DCHS2: variants seen among roughly 807,000 people sequenced by gnomAD.
DCHS2 encodes protocadherin-23.
Under a neutral mutation model 182.4 loss-of-function variants are expected in DCHS2, and 142 were observed. That is an observed-to-expected ratio of 0.78 (90% CI 0.68 to 0.89). The LOEUF (loss-of-function observed/expected upper bound fraction) is 0.89, where lower values mean the gene tolerates loss of function less well. Ranked by LOEUF, DCHS2 falls within the 40% of genes least tolerant of loss-of-function variation. DCHS2 has a pLI of 0.00. For synonymous variants in DCHS2, 1,740 were observed against 1,663.3 expected, an observed-to-expected ratio of 1.05 and a Z score of -1.12; for missense variants, 4,319 against 4,198.6, an observed-to-expected ratio of 1.03 and a Z score of -0.79.
chr4:154,432,298 ACT>A (rs747956027), intron 1 of DCHS2, among the ~76,000 whole-genome samples: 15 of 152,130 alleles, frequency 9.9e-5, no homozygotes, highest in Non-Finnish European at 2.2e-4. Context: ...AATGCTAAAG[ACT>A]CTCAGCTTAT....
At chr4:154,245,442 G>A (rs1732027276) in intron 16 of DCHS2, among the ~76,000 whole-genome samples, 1 of 152,096 alleles carries the variant, frequency 6.6e-6, no homozygotes, top group Non-Finnish European at 1.5e-5. Flanking sequence ...TTTTGACCAG[G>A]AAGGATCTCT....
intron 16 of DCHS2, among the ~76,000 whole-genome samples, chr4:154,247,652 A>G (rs1341365425): frequency 2.1e-4 from 1 of 4,714 alleles, no homozygotes. Context: ...AAAAAAAAAA[A>G]AAAAAAAAAA....
chr4:154,391,337 A>AT (rs1326560255), intron 1 of DCHS2: 29 of 1,553,126 alleles, frequency 1.9e-5, no homozygotes, highest in Non-Finnish European at 2.5e-5. Flanking sequence ...CTTCAACTTC[A>AT]TGTCTCTGGC....
intron 1 of DCHS2, among the ~76,000 whole-genome samples, chr4:154,381,883 C>A (rs543007198): frequency 6.6e-6 from 1 of 152,200 alleles, no homozygotes; most frequent in African/African-American, 2.4e-5. Flanking sequence ...AGATTCAATG[C>A]CATTCCTATC....
At chr4:154,265,765 A>G (rs1302266310) in intron 14 of DCHS2, among the ~76,000 whole-genome samples, 1 of 152,178 alleles carries the variant, frequency 6.6e-6, no homozygotes, top group Non-Finnish European at 1.5e-5. Flanking sequence ...AACAAAAAAA[A>G]AAGAGAAAGG....
chr4:154,424,229 A>G (rs77834533), intron 1 of DCHS2, among the ~76,000 whole-genome samples: 117 of 152,332 alleles, frequency 7.7e-4, no homozygotes, highest in African/African-American at 2.8e-3. Flanking sequence ...AAAAAGAAAA[A>G]GTAAATCAGA....
chr4:154,270,050 T>C, intron 13 of DCHS2, 37 bp from the exon 14 acceptor site: 1 of 1,562,294 alleles, frequency 6.4e-7, no homozygotes, highest in East Asian at 2.3e-5. Flanking sequence ...TCCATTAGGA[T>C]AAAAAAATTT....
chr4:154,328,720 A>G (rs1736393138), intron 6 of DCHS2, among the ~76,000 whole-genome samples: 1 of 152,200 alleles, frequency 6.6e-6, no homozygotes, highest in African/African-American at 2.4e-5. Flanking sequence ...CATTTTAATG[A>G]TATGATTAAA....
intron 16 of DCHS2, among the ~76,000 whole-genome samples, chr4:154,246,264 A>T (rs1402955417): frequency 6.6e-6 from 1 of 152,108 alleles, no homozygotes; most frequent in Non-Finnish European, 1.5e-5. Context: ...CTTGCCCATT[A>T]CTCTGCATTC....
intron 1 of DCHS2, among the ~76,000 whole-genome samples, chr4:154,411,159 A>T (rs79398161): frequency 0.015 from 2,262 of 152,348 alleles, 53 homozygotes; most frequent in African/African-American, 0.052. Context: ...GCATGATCTC[A>T]CTTATATGCA....
chr4:154,319,049 T>C (rs1735957502), intron 9 of DCHS2, among the ~76,000 whole-genome samples: 1 of 152,084 alleles, frequency 6.6e-6, no homozygotes, highest in Non-Finnish European at 1.5e-5. Flanking sequence ...CACCCATATA[T>C]GGTCAATTGA....
At chr4:154,434,263 T>A (rs1733682142) in intron 1 of DCHS2, among the ~76,000 whole-genome samples, 2 of 151,878 alleles carry the variant, frequency 1.3e-5, no homozygotes, top group African/African-American at 4.8e-5. Flanking sequence ...CTACAGAAAA[T>A]TTTAAAAATA....
At chr4:154,341,446 A>G (rs1302187060) in intron 3 of DCHS2, among the ~76,000 whole-genome samples, 1 of 152,116 alleles carries the variant, frequency 6.6e-6, no homozygotes, top group Non-Finnish European at 1.5e-5. Context: ...TACAAGGTAA[A>G]TCTCTGAAAT....
rs367771350 is a variant in DCHS2, at chr4:154,326,309, G to C, written c.4018+1784C>G. 3.3e-4 allele frequency among the ~76,000 whole-genome samples: 50 copies of C among 152,178 alleles called. No homozygotes were observed. In the South Asian group the frequency reaches 0.01, roughly 31 times the overall value. Reference sequence around the variant, plus strand: ...ATTTATTTACTGGTTTTTCTTACTGGTTTGCAGGAGTTCTTAATAAATTCT... The same window carrying C: ...ATTTATTTACTGGTTTTTCTTACTGCTTTGCAGGAGTTCTTAATAAATTCT... On this transcript the variant is annotated intron_variant, in intron 7 of 19. Coordinates refer to ENST00000357232, the MANE Select transcript of DCHS2 (RefSeq NM_001358235.2).
intron 9 of DCHS2, among the ~76,000 whole-genome samples, chr4:154,319,997 A>G (rs1735996040): frequency 6.6e-6 from 1 of 152,172 alleles, no homozygotes; most frequent in African/African-American, 2.4e-5. Context: ...CATTGAAGAC[A>G]ATTCAGCCTT....
At chr4:154,417,158 AGTGTGTGTGTGTGTGTGTGTGTGTGT>A (rs778940410) in intron 1 of DCHS2, among the ~76,000 whole-genome samples, 1 of 80,096 alleles carries the variant, frequency 1.2e-5, no homozygotes, top group African/African-American at 5.0e-5. Context: ...GCCGGTCCCG[AGTGTGTGTGTGTGTGTGTGTGTGTGT>A]GTGTGTGTGT....
At chr4:154,357,362 G>A (rs1416135403) in intron 3 of DCHS2, 4 of 1,389,772 alleles carry the variant, frequency 2.9e-6, no homozygotes, top group Non-Finnish European at 4.1e-6. Flanking sequence ...TGGGAGCAGG[G>A]AAAAGCAAAA....
intron 1 of DCHS2, among the ~76,000 whole-genome samples, chr4:154,419,650 C>CAAAAAAAA (rs70947164): frequency 8.9e-5 from 4 of 44,920 alleles, no homozygotes; most frequent in Non-Finnish European, 1.1e-4. Context: ...AACTCCATCT[C>CAAAAAAAA]AAAAAAAAAA....
intron 1 of DCHS2, among the ~76,000 whole-genome samples, chr4:154,417,523 A>G (rs761678293): frequency 1.3e-5 from 2 of 152,210 alleles, no homozygotes; most frequent in Non-Finnish European, 2.9e-5. Context: ...AGAAAAACCT[A>G]CAAACATTAG....
Sources: allele counts gnomAD v4.1 joint callset (sites outside exome capture counted in the v4.1 genomes callset), GRCh38; gene constraint gnomAD v4.1.1; transcripts MANE v1.5; gene names NCBI Gene and HGNC (gene_info 2026-07-23, HGNC 2026-07-21).